Variants in AGL observed in about 807,000 individuals in gnomAD.
AGL encodes the protein glycogen debranching enzyme.
AGL carries 128 observed loss-of-function variants against 199.3 expected under a neutral mutation model. That is an observed-to-expected ratio of 0.64 (90% confidence interval 0.56 to 0.74). AGL has a LOEUF of 0.74. AGL is among the 30% of genes least tolerant of loss of function. The probability of loss-of-function intolerance (pLI) is 0.00; values close to 1 mark genes in which losing one functional copy is unlikely to be tolerated. For synonymous variants in AGL, 584 were observed against 594.7 expected, an observed-to-expected ratio of 0.98 and a Z score of 0.26; for missense variants, 1,809 against 1,820.8, an observed-to-expected ratio of 0.99 and a Z score of 0.12.
rs751112302 is a variant in AGL at position 99,874,811 on chromosome 1, G to A, written c.1082+1G>A. On this transcript the variant is annotated splice_donor_variant, in intron 8 of 33. Coordinates refer to ENST00000361915, the MANE Select transcript of AGL (RefSeq NM_000642.3). LOFTEE classifies it high-confidence loss of function. The stretch of plus-strand genomic sequence containing the variant: ...CACTAACGACTTTCATACCACATGA[G>A]TATGTAATGTGTTTTTTTCTGTGAA... 6.2e-7 allele frequency: 1 copy of A among 1,613,442 alleles called. No homozygotes were observed. Among genetic ancestry groups the A allele is most frequent in the Non-Finnish European group, 8.5e-7 (1 of 1,179,538 alleles).
chr1:99,892,548 C>T lies in AGL; in HGVS notation c.3200C>T (p.Pro1067Leu). The T allele has an allele frequency of 6.2e-7, 1 of 1,613,572 alleles. No homozygotes were observed. The highest frequency in any genetic ancestry group is 1.1e-5 in the South Asian group (1 of 91,062). ...PILSPALMDV[P>L]YRLNEITKEK... ...CTTTCACCTGCCCTAATGGATGTAC[C>T]TTATAGGTTAAATGAGATCACAAAA... is the stretch of plus-strand genomic sequence containing the variant. The change falls in exon 24 of 34, where the codon CCT (proline) becomes CTT (leucine). Residue 1067 changes from proline (P) to leucine (L), a missense_variant. By Grantham distance (98) the Pro-to-Leu change is moderately conservative (BLOSUM62 -3). Transcript: ENST00000361915.
At chr1:99,863,748 C>CT (rs11372707) in intron 4 of AGL, among the ~76,000 whole-genome samples, 45,543 of 118,850 alleles carry the variant, frequency 0.38, 10,235 homozygotes, top group Non-Finnish European at 0.48. Context: ...TGCGCCTGGC[C>CT]TTTTTTTTTT....
At chr1:99,875,480 T>C (rs1344129273) in intron 10 of AGL, 25 bp downstream of exon 10, 1 of 1,591,850 alleles carries the variant, frequency 6.3e-7, no homozygotes, top group South Asian at 1.1e-5. Context: ...TTTTTTTTCT[T>C]ATTGATGGTT....
chr1:99,858,960 G>T (rs146918288), intron 2 of AGL, among the ~76,000 whole-genome samples: 213 of 152,128 alleles, frequency 1.4e-3, no homozygotes, highest in African/African-American at 4.9e-3. Flanking sequence ...AATTATTGGG[G>T]TTTTTTCCTG....
At chr1:99,861,315 A>G in intron 2 of AGL, 188 bp from the exon 3 acceptor site, 2 of 1,463,370 alleles carry the variant, frequency 1.4e-6, no homozygotes, top group Non-Finnish European at 1.8e-6. Flanking sequence ...TGTTTACTAT[A>G]CTTGCTAAAA....
At position 99,870,456 on chromosome 1, in the gene AGL, T is replaced by C. The variant is rs1360694435; in HGVS notation, c.721T>C (p.Ser241Pro). The change falls in exon 6 of 34, where the codon TCT becomes CCT. Residue 241 changes from serine (S) to proline (P), a missense_variant. Transcript: ENST00000361915. ...HPECAYNLVN[S>P]PHLKPAWVLD... Reference sequence around the variant, plus strand: ...AGAATGTGCCTATAATCTTGTGAATTCTCCACACTTAAAACCTGCCTGGGT... The same window carrying C: ...AGAATGTGCCTATAATCTTGTGAATCCTCCACACTTAAAACCTGCCTGGGT... The C allele has an allele frequency of 6.2e-7, 1 of 1,614,062 alleles. No homozygotes were observed. Among genetic ancestry groups the C allele is most frequent in the Non-Finnish European group, 8.5e-7 (1 of 1,179,960 alleles).
At chr1:99,899,150 T>A (rs1304548945) in intron 25 of AGL, among the ~76,000 whole-genome samples, 1 of 152,204 alleles carries the variant, frequency 6.6e-6, no homozygotes, top group Non-Finnish European at 1.5e-5. Context: ...CTGTCTATAC[T>A]AATATTTTTA....
chr1:99,855,794 C>T (rs1402987748), intron 2 of AGL, among the ~76,000 whole-genome samples: 4 of 150,454 alleles, frequency 2.7e-5, no homozygotes, highest in South Asian at 2.1e-4. Flanking sequence ...GAGCGAGACT[C>T]GGTCTCAAAA....
chr1:99,895,526 ATAC>A (rs1653231142), intron 24 of AGL, among the ~76,000 whole-genome samples: 1 of 152,214 alleles, frequency 6.6e-6, no homozygotes, highest in Non-Finnish European at 1.5e-5. Flanking sequence ...TTGACTCCAT[ATAC>A]TTAATTAGGT....
In AGL at chr1:99,875,236, A is replaced by T. The variant is rs140002583; in HGVS notation, c.1165A>T (p.Ile389Phe). 7.4e-6 allele frequency: 12 copies of T among 1,613,954 alleles called. No homozygotes were observed. In the African/African-American group the frequency reaches 1.6e-4, roughly 22 times the overall value. Residue 389 changes from isoleucine to phenylalanine, a missense_variant, in exon 9 of 34, where the codon ATT becomes TTT. Coordinates refer to ENST00000361915, the MANE Select transcript of AGL (RefSeq NM_000642.3). The stretch of plus-strand genomic sequence containing the variant: ...ATTAAATTCAGAGAAGCATCGACTC[A>T]TTAACTATCATCAGGAACAGGTTTT... ...EELNSEKHRL[I>F]NYHQEQAVNC...
At chr1:99,861,357 A>T in intron 2 of AGL, 146 bp from the exon 3 acceptor site, 1 of 1,520,684 alleles carries the variant, frequency 6.6e-7, no homozygotes. Context: ...AATACAAAGT[A>T]GTGCCAAAAC....
At chr1:99,894,989 T>C (rs1204660519) in intron 24 of AGL, among the ~76,000 whole-genome samples, 2 of 152,218 alleles carry the variant, frequency 1.3e-5, no homozygotes, top group Non-Finnish European at 2.9e-5. Context: ...GAATGCTGTG[T>C]ATATTTTATT....
chr1:99,905,372 T>TTG, intron 27 of AGL, among the ~76,000 whole-genome samples: 2 of 151,014 alleles, frequency 1.3e-5, no homozygotes, highest in South Asian at 2.1e-4. Flanking sequence ...ATTTTTTGTA[T>TTG]TTGTTGTTGT....
chr1:99,867,775 C>T (rs984912864), intron 5 of AGL, among the ~76,000 whole-genome samples: 11 of 152,066 alleles, frequency 7.2e-5, no homozygotes, highest in African/African-American at 2.4e-4. Context: ...AGGTTCGTCT[C>T]AATCCACCCT....
chr1:99,900,439 T>A (rs936261468), intron 25 of AGL, among the ~76,000 whole-genome samples, 197 bp from the exon 26 acceptor site: 45 of 152,222 alleles, frequency 3.0e-4, no homozygotes, highest in Non-Finnish European at 2.1e-4. Flanking sequence ...CATAAAATTC[T>A]AGTCTAGAAT....
chr1:99,851,182 G>A, intron 2 of AGL, 58 bp downstream of exon 2: 1 of 1,400,836 alleles, frequency 7.1e-7, no homozygotes, highest in Non-Finnish European at 1.0e-6. Flanking sequence ...TTAATTCATT[G>A]GCAGTCCTGT....
intron 7 of AGL, 71 bp from the exon 8 acceptor site, chr1:99,874,616 T>G: frequency 6.8e-7 from 1 of 1,463,036 alleles, no homozygotes; most frequent in South Asian, 1.2e-5. Flanking sequence ...GGCCAAAAAT[T>G]AGAAAATAGT....
chr1:99,857,133 G>A (rs1428712416), intron 2 of AGL, among the ~76,000 whole-genome samples: 1 of 152,138 alleles, frequency 6.6e-6, no homozygotes, highest in Non-Finnish European at 1.5e-5. Context: ...TCACTTCCCA[G>A]TAGGGGCGGC....
At chr1:99,916,316 T>C in intron 31 of AGL, 94 bp from the exon 32 acceptor site, 1 of 987,540 alleles carries the variant, frequency 1.0e-6, no homozygotes, top group Non-Finnish European at 1.5e-6. Context: ...AATAATTGAT[T>C]ATTTCTCTTA....
Sources: gnomAD v4.1 joint callset for allele counts (sites outside exome capture counted in the v4.1 genomes callset) on GRCh38, gnomAD v4.1.1 for gene constraint, MANE v1.5 for transcripts, NCBI Gene and HGNC (gene_info 2026-07-23, HGNC 2026-07-21) for gene names.